The following GNAL variants were observed in gnomAD, a reference collection of about 807,000 sequenced individuals.
The protein encoded by GNAL is guanine nucleotide-binding protein G(olf) subunit alpha.
A neutral mutation model predicts 55.1 loss-of-function variants in GNAL; 18 were observed. The observed-to-expected ratio is 0.33, with a 90% CI of 0.23 to 0.48. The LOEUF is 0.48. Ranked by LOEUF, GNAL falls within the 20% of genes least tolerant of loss-of-function variation. The probability of loss-of-function intolerance (pLI) is 0.99; values close to 1 mark genes in which losing one functional copy is unlikely to be tolerated. For synonymous variants in GNAL, 253 were observed against 237.0 expected, an observed-to-expected ratio of 1.07 and a Z score of -0.62; for missense variants, 412 against 614.1, an observed-to-expected ratio of 0.67 and a Z score of 3.48.
intron 5 of GNAL, among the ~76,000 whole-genome samples, chr18:11,834,276 C>T (rs532448681): frequency 6.6e-6 from 1 of 152,260 alleles, no homozygotes; most frequent in African/African-American, 2.4e-5. Flanking sequence ...CTTATTCCTG[C>T]TAGGGAGGGG....
intron 1 of GNAL, chr18:11,746,098 C>A: frequency 1.9e-6 from 1 of 516,448 alleles, no homozygotes; most frequent in Non-Finnish European, 3.8e-6. Context: ...GAGCACTCCA[C>A]GACTCCCCTT....
chr18:11,869,442 C>G (rs2036343820), intron 9 of GNAL, among the ~76,000 whole-genome samples: 1 of 152,152 alleles, frequency 6.6e-6, no homozygotes. Flanking sequence ...CGCACCCGGC[C>G]AATGTGGAGT....
At chr18:11,740,191 A>G (rs2032546786) in intron 1 of GNAL, among the ~76,000 whole-genome samples, 1 of 152,088 alleles carries the variant, frequency 6.6e-6, no homozygotes, top group African/African-American at 2.4e-5. Flanking sequence ...TGGTGCTCAC[A>G]TCATCCCACA....
chr18:11,714,832 C>T (rs578164854), intron 1 of GNAL, among the ~76,000 whole-genome samples: 7 of 152,238 alleles, frequency 4.6e-5, no homozygotes, highest in East Asian at 3.9e-4. Flanking sequence ...TTTAGGGTCC[C>T]GAGATTTTAT....
At chr18:11,851,459 T>A in intron 5 of GNAL, 10 of 1,477,128 alleles carry the variant, frequency 6.8e-6, no homozygotes, top group Non-Finnish European at 8.9e-6. Context: ...TTACCTTCTC[T>A]GCCTTCGGCG....
intron 4 of GNAL, among the ~76,000 whole-genome samples, chr18:11,767,465 T>C (rs2033446568): frequency 6.6e-6 from 1 of 151,978 alleles, no homozygotes. Flanking sequence ...GTGCACCTTA[T>C]GCTTGCATGC....
At chr18:11,802,979 G>A (rs1261769542) in intron 4 of GNAL, among the ~76,000 whole-genome samples, 3 of 152,174 alleles carry the variant, frequency 2.0e-5, no homozygotes, top group African/African-American at 7.2e-5. Context: ...CAGGGAATGG[G>A]GAGGTCAGAT....
chr18:11,872,168 G>C, intron 9 of GNAL, 100 bp from the exon 10 acceptor site: 1 of 713,958 alleles, frequency 1.4e-6, no homozygotes, highest in Non-Finnish European at 2.3e-6. Context: ...TACATTTTTA[G>C]GAAGACGATG....
At position 11,839,837 on chromosome 18, in the gene GNAL, C is replaced by T. The variant is rs532865190; in HGVS notation, c.722+14822C>T. Among the ~76,000 whole-genome samples the T allele has an allele frequency of 1.7e-4, 26 of 152,304 alleles. No homozygotes were observed. In the South Asian group the frequency reaches 5.4e-3, roughly 32 times the overall value. On this transcript the variant is annotated intron_variant, in intron 5 of 11. Transcript: ENST00000334049. Reference sequence around the variant, plus strand: ...GTAATCGTGCATTGTGTGAGCACTTCCTTCGTCCCAGTGAACAATAATAAT... The same window carrying T: ...GTAATCGTGCATTGTGTGAGCACTTTCTTCGTCCCAGTGAACAATAATAAT...
intron 4 of GNAL, among the ~76,000 whole-genome samples, chr18:11,792,412 C>T (rs773528557): frequency 2.7e-4 from 41 of 152,232 alleles, no homozygotes; most frequent in Non-Finnish European, 4.7e-4. Flanking sequence ...TCCCAAACTC[C>T]TGACCTCAGG....
chr18:11,690,673 T>C (rs2031219861), intron 1 of GNAL, among the ~76,000 whole-genome samples: 1 of 141,178 alleles, frequency 7.1e-6, no homozygotes, highest in Non-Finnish European at 1.5e-5. Flanking sequence ...TGTGTTCTCA[T>C]TGTTCAATTC....
At chr18:11,843,124 G>A (rs1319441018) in intron 5 of GNAL, among the ~76,000 whole-genome samples, 1 of 151,984 alleles carries the variant, frequency 6.6e-6, no homozygotes, top group Non-Finnish European at 1.5e-5. Flanking sequence ...TTGAGCCCAG[G>A]AGTTTGAGGC....
chr18:11,706,231 A>G (rs979966916), intron 1 of GNAL, among the ~76,000 whole-genome samples: 1 of 152,102 alleles, frequency 6.6e-6, no homozygotes, highest in African/African-American at 2.4e-5. Flanking sequence ...AAGTTAATAT[A>G]GAAAGAAAGT....
intron 4 of GNAL, among the ~76,000 whole-genome samples, chr18:11,790,008 A>G (rs938274786): frequency 2.6e-5 from 4 of 152,244 alleles, no homozygotes; most frequent in African/African-American, 9.6e-5. Flanking sequence ...TGATGATGCA[A>G]ATGAGAAGAA....
At chr18:11,703,794 G>GAC (rs1567991662) in intron 1 of GNAL, among the ~76,000 whole-genome samples, 16 of 88,650 alleles carry the variant, frequency 1.8e-4, no homozygotes, top group African/African-American at 8.4e-4. Context: ...AGTGTTGATG[G>GAC]GCACACACAC....
intron 1 of GNAL, among the ~76,000 whole-genome samples, chr18:11,735,859 A>G (rs942004488): frequency 1.3e-5 from 2 of 152,142 alleles, no homozygotes; most frequent in Non-Finnish European, 2.9e-5. Context: ...CACAGTAAAA[A>G]GTTCAGAGAA....
intron 1 of GNAL, among the ~76,000 whole-genome samples, chr18:11,705,508 T>G (rs929040950): frequency 6.6e-6 from 1 of 152,158 alleles, no homozygotes; most frequent in African/African-American, 2.4e-5. Flanking sequence ...TAATTCTATA[T>G]TTTGATTTTT....
intron 1 of GNAL, among the ~76,000 whole-genome samples, chr18:11,743,949 T>C (rs2032633988): frequency 6.6e-6 from 1 of 152,236 alleles, no homozygotes; most frequent in Non-Finnish European, 1.5e-5. Flanking sequence ...ATTTTTGAAT[T>C]GTAAGACCTT....
chr18:11,842,066 G>A (rs1442824897), intron 5 of GNAL, among the ~76,000 whole-genome samples: 2 of 151,712 alleles, frequency 1.3e-5, no homozygotes, highest in South Asian at 2.1e-4. Flanking sequence ...TTCGCCTCCC[G>A]GGTTCAAGCA....
Sources: allele counts gnomAD v4.1 joint callset (sites outside exome capture counted in the v4.1 genomes callset), GRCh38; gene constraint gnomAD v4.1.1; transcripts MANE v1.5; gene names NCBI Gene and HGNC (gene_info 2026-07-23, HGNC 2026-07-21).